Variants in SLC22A25 observed in about 807,000 individuals in gnomAD.
SLC22A25 encodes the protein MGI:2442751, MGI:2385316, MGI:3042283, MGI:3645714, MGI:3605624, MGI:2442750.
SLC22A25 carries 44 observed loss-of-function variants against 45.9 expected under a neutral mutation model. The ratio of observed to expected loss-of-function variants is 0.96; its 90% CI spans 0.75 to 1.23. The LOEUF is 1.23. Among genes scored for constraint, SLC22A25 ranks in the 50% most tolerant of loss-of-function variants. The pLI is 0.00. For missense variants in SLC22A25, 800 were observed against 666.4 expected (o/e 1.20, Z -2.21); for synonymous variants, 283 against 238.6 (o/e 1.19, Z -1.72).
intron 7 of SLC22A25, among the ~76,000 whole-genome samples, chr11:63,212,725 C>T (rs2089606857): frequency 6.6e-6 from 1 of 151,666 alleles, no homozygotes; most frequent in African/African-American, 2.4e-5. Context: ...ATGAGTGCAG[C>T]GTACCAACAT....
chr11:63,243,322 A>G (rs962331187), intron 1 of SLC22A25, 112 bp downstream of exon 1: 14 of 492,708 alleles, frequency 2.8e-5, no homozygotes, highest in Admixed American at 2.1e-4. Flanking sequence ...AACATGATTG[A>G]ACCATTTGGG....
At chr11:63,211,273 A>T (rs2089552343) in intron 7 of SLC22A25, among the ~76,000 whole-genome samples, 2 of 152,176 alleles carry the variant, frequency 1.3e-5, no homozygotes, top group South Asian at 4.1e-4. Context: ...ATGGGATTAT[A>T]GTGAAATGCA....
intron 3 of SLC22A25, among the ~76,000 whole-genome samples, chr11:63,231,182 G>A (rs1290367810): frequency 6.6e-6 from 1 of 152,110 alleles, no homozygotes; most frequent in Admixed American, 6.6e-5. Context: ...GGGATGGCTG[G>A]GTCAAATGGT....
chr11:63,219,974 C>A (rs776898810), intron 5 of SLC22A25: 2 of 1,289,116 alleles, frequency 1.6e-6, no homozygotes, highest in South Asian at 2.5e-5. Flanking sequence ...CACCTCAAGT[C>A]CCTCGTCACA....
At chr11:63,217,987 A>C (rs913392531) in intron 5 of SLC22A25, 10 of 613,868 alleles carry the variant, frequency 1.6e-5, no homozygotes, top group Non-Finnish European at 2.4e-5. Context: ...CAAATTCAAA[A>C]CATGTAAGAC....
At chr11:63,216,109 C>CTATT (rs1427536384) in intron 7 of SLC22A25, among the ~76,000 whole-genome samples, 1 of 152,058 alleles carries the variant, frequency 6.6e-6, no homozygotes, top group African/African-American at 2.4e-5. Flanking sequence ...ATATGACCGA[C>CTATT]TATTATGAAA....
intron 7 of SLC22A25, among the ~76,000 whole-genome samples, chr11:63,215,144 G>A (rs763727826): frequency 1.3e-5 from 2 of 152,130 alleles, no homozygotes; most frequent in Non-Finnish European, 2.9e-5. Flanking sequence ...TATGTTTATT[G>A]CAGAACTATT....
At chr11:63,228,320 A>G in intron 5 of SLC22A25, 141 bp downstream of exon 5, 3 of 625,766 alleles carry the variant, frequency 4.8e-6, no homozygotes, top group Non-Finnish European at 8.2e-6. Flanking sequence ...ACTCACCATA[A>G]TTTTCCTTTT....
At chr11:63,225,165 A>G (rs1783654) in intron 5 of SLC22A25, among the ~76,000 whole-genome samples, 74,261 of 152,074 alleles carry the variant, frequency 0.49, 19,069 homozygotes, top group Non-Finnish European at 0.57. Context: ...GTTAGTTTAT[A>G]TGCCACAATT....
chr11:63,214,289 C>T (rs1011411135), intron 7 of SLC22A25, among the ~76,000 whole-genome samples: 12 of 152,136 alleles, frequency 7.9e-5, no homozygotes, highest in African/African-American at 2.4e-4. Flanking sequence ...ATAGCATTAA[C>T]AAAATATCAG....
intron 7 of SLC22A25, among the ~76,000 whole-genome samples, chr11:63,191,169 C>T (rs2088798022): frequency 1.3e-5 from 2 of 152,214 alleles, no homozygotes; most frequent in African/African-American, 2.4e-5. Context: ...GGCAGGCAGG[C>T]CTCCTCAAGC....
intron 9 of SLC22A25, among the ~76,000 whole-genome samples, chr11:63,174,444 C>G (rs1271054879): frequency 6.6e-6 from 1 of 152,110 alleles, no homozygotes; most frequent in Admixed American, 6.6e-5. Flanking sequence ...TCCTGTGTGA[C>G]TACCTAGTTG....
At chr11:63,235,636 T>G (rs960006597) in intron 3 of SLC22A25, among the ~76,000 whole-genome samples, 1 of 152,220 alleles carries the variant, frequency 6.6e-6, no homozygotes, top group Admixed American at 6.5e-5. Flanking sequence ...AGACTTCCTC[T>G]CTCAAGTCAT....
intron 7 of SLC22A25, among the ~76,000 whole-genome samples, chr11:63,198,513 C>G (rs978793610): frequency 6.6e-6 from 1 of 151,980 alleles, no homozygotes; most frequent in Non-Finnish European, 1.5e-5. Context: ...AGGTGGTAAT[C>G]GAACAATGAG....
rs140460387 is a variant in SLC22A25 at position 63,163,826 on chromosome 11, A to C, written c.1642T>G (p.Ter548GluextTer41). Residue 548 changes from the stop codon to glutamate, a stop_lost, in exon 12 of 12, where the codon TAG becomes GAG. Coordinates refer to ENST00000306494, the MANE Select transcript of SLC22A25 (RefSeq NM_199352.6). Reference sequence around the variant, plus strand: ...GTTTTGCTTTCCTCAGCACAGACCTATAGCACAGAGCTCCTCTGAGGGGCA... The same window carrying C: ...GTTTTGCTTTCCTCAGCACAGACCTCTAGCACAGAGCTCCTCTGAGGGGCA... The part of the protein sequence containing the change: ...LAAPQRSSVL[*>E] 3.0e-4 allele frequency: 476 copies of C among 1,612,218 alleles called. 5 individuals are homozygous for C. Among genetic ancestry groups the C allele is most frequent in the Admixed American group, 3.0e-4 (18 of 59,910 alleles).
At chr11:63,188,946 G>A (rs1486158258) in intron 7 of SLC22A25, among the ~76,000 whole-genome samples, 1 of 152,122 alleles carries the variant, frequency 6.6e-6, no homozygotes. Context: ...TACATTTGCT[G>A]AGGAGTGCTT....
rs1565077192 is a variant in SLC22A25, at chr11:63,183,793, C to T, written c.855G>A (p.Trp285Ter). The change falls in exon 8 of 12, where the codon TGG becomes TGA. Residue 285 changes from tryptophan (W) to a stop codon, truncating the protein, a stop_gained. Transcript: ENST00000306494. LOFTEE classifies it high-confidence loss of function. ...CTTCTGGTTTGTTGTTGATAATGAG[C>T]CACCGAGCAGACTCTGCCAGCCACC... ...FSRWLAESARWLIINNKPEEG... is the reference protein window; with the variant it reads ...FSRWLAESAR The T allele has an allele frequency of 1.2e-6, 2 of 1,613,070 alleles. No individual in the cohort carries two copies. The highest frequency in any genetic ancestry group is 1.7e-6 in the Non-Finnish European group (2 of 1,179,324).
intron 9 of SLC22A25, among the ~76,000 whole-genome samples, chr11:63,178,235 T>G (rs1342809094): frequency 1.3e-5 from 2 of 152,020 alleles, no homozygotes; most frequent in African/African-American, 4.8e-5. Context: ...AACATTTAGG[T>G]TGATACCATA....
At chr11:63,175,686 T>G (rs1320123397) in intron 9 of SLC22A25, among the ~76,000 whole-genome samples, 1 of 152,072 alleles carries the variant, frequency 6.6e-6, no homozygotes, top group East Asian at 1.9e-4. Context: ...ACTAATGTCA[T>G]GAAGCTTTTC....
Sources: allele counts gnomAD v4.1 joint callset (sites outside exome capture counted in the v4.1 genomes callset), GRCh38; gene constraint gnomAD v4.1.1; transcripts MANE v1.5; gene names NCBI Gene and HGNC (gene_info 2026-07-23, HGNC 2026-07-21).